The following FUT8 variants were observed in gnomAD, a reference collection of about 807,000 sequenced individuals.
FUT8 encodes the protein alpha-(1,6)-fucosyltransferase.
A neutral mutation model predicts 71.3 loss-of-function variants in FUT8; 29 were observed. The ratio of observed to expected loss-of-function variants is 0.41; its 90% CI spans 0.30 to 0.55. The LOEUF (loss-of-function observed/expected upper bound fraction) is 0.55. Among genes scored for constraint, FUT8 ranks in the 20% least tolerant of loss-of-function variants. FUT8 has a pLI of 0.34. For synonymous variants in FUT8, 254 were observed against 239.3 expected, an observed-to-expected ratio of 1.06 and a Z score of -0.57; for missense variants, 544 against 702.1, an observed-to-expected ratio of 0.77 and a Z score of 2.55.
chr14:65,389,129 G>C, the FUT8 span, among the ~76,000 whole-genome samples: 1 of 150,110 alleles, frequency 6.7e-6, no homozygotes, highest in Non-Finnish European at 1.5e-5. Context: ...AAAGTGCTGG[G>C]ATTACAGGTG....
chr14:65,507,927 A>G (rs1878207449), intron 2 of FUT8, among the ~76,000 whole-genome samples: 2 of 152,152 alleles, frequency 1.3e-5, no homozygotes, highest in South Asian at 4.1e-4. Context: ...CCAACAGTGT[A>G]TGAGGGTTCT....
chr14:65,677,727 C>A (rs1892829543), intron 7 of FUT8, among the ~76,000 whole-genome samples: 1 of 151,956 alleles, frequency 6.6e-6, no homozygotes, highest in Non-Finnish European at 1.5e-5. Context: ...ACTAGTCATT[C>A]AGTAAAAATT....
chr14:65,665,453 T>C (rs1052059664), intron 6 of FUT8, among the ~76,000 whole-genome samples: 3 of 152,072 alleles, frequency 2.0e-5, no homozygotes, highest in Non-Finnish European at 2.9e-5. Context: ...GACTGAGGAA[T>C]AAAGAAGTGA....
At chr14:65,438,383 A>G (rs1473047319) in intron 1 of FUT8, among the ~76,000 whole-genome samples, 1 of 152,186 alleles carries the variant, frequency 6.6e-6, no homozygotes, top group Non-Finnish European at 1.5e-5. Flanking sequence ...CTCTTGTAGC[A>G]AGTTACTACC....
Position 65,627,681 on chromosome 14 carries a change from C to T in FUT8, c.483-1811C>T, listed in dbSNP as rs1190455716. 1.3e-5 allele frequency among the ~76,000 whole-genome samples: 2 copies of T among 152,088 alleles called. No individual in the cohort carries two copies. Among genetic ancestry groups the T allele is most frequent in the African/African-American group, 4.8e-5 (2 of 41,422 alleles). The stretch of plus-strand genomic sequence containing the variant: ...TTTTTTCCTTACCAGTTGAGTGTTC[C>T]TAGAGGAAGGTCATATAACAGTTAA... On this transcript the variant is annotated intron_variant, in intron 5 of 10. Coordinates refer to ENST00000673929, the MANE Select transcript of FUT8 (RefSeq NM_001371533.1). This position sits in a 1 kb window ranked among gnomAD's most constrained non-coding sequence, Gnocchi z 4.0.
At chr14:65,662,356 G>A (rs1016721871) in intron 6 of FUT8, among the ~76,000 whole-genome samples, 3 of 152,018 alleles carry the variant, frequency 2.0e-5, no homozygotes, top group African/African-American at 2.4e-5. Flanking sequence ...ACTGCACTCC[G>A]GCCTGAGCAA....
chr14:65,665,624 C>A (rs1892175203), intron 6 of FUT8, among the ~76,000 whole-genome samples: 1 of 152,150 alleles, frequency 6.6e-6, no homozygotes, highest in South Asian at 2.1e-4. Context: ...CGTAAAGATA[C>A]ATGTATGCAT....
intron 2 of FUT8, among the ~76,000 whole-genome samples, chr14:65,475,476 A>G (rs1188529004): frequency 6.6e-6 from 1 of 152,148 alleles, no homozygotes; most frequent in Non-Finnish European, 1.5e-5. Flanking sequence ...TGTCAGGATG[A>G]TGCCTGTAAT....
At chr14:65,482,179 A>G (rs942216916) in intron 2 of FUT8, among the ~76,000 whole-genome samples, 1 of 152,180 alleles carries the variant, frequency 6.6e-6, no homozygotes, top group Non-Finnish European at 1.5e-5. Context: ...TTGGATAGAA[A>G]TTCTTTTTTG....
chr14:65,599,025 G>A (rs1888155893), intron 3 of FUT8, among the ~76,000 whole-genome samples: 1 of 152,070 alleles, frequency 6.6e-6, no homozygotes, highest in South Asian at 2.1e-4. Flanking sequence ...TCCTGACCTC[G>A]TGATCTGCCC....
chr14:65,494,141 T>C (rs2066523804), intron 2 of FUT8, among the ~76,000 whole-genome samples: 1 of 152,164 alleles, frequency 6.6e-6, no homozygotes, highest in African/African-American at 2.4e-5. Context: ...ACACATGTAA[T>C]TTTTTAACTT....
chr14:65,583,026 A>G (rs1242864536), intron 3 of FUT8, among the ~76,000 whole-genome samples: 1 of 152,208 alleles, frequency 6.6e-6, no homozygotes, highest in South Asian at 2.1e-4. Flanking sequence ...TATATAAATC[A>G]TAAACATTTT....
chr14:65,429,120 A>G (rs991229125), intron 1 of FUT8, among the ~76,000 whole-genome samples: 1 of 152,212 alleles, frequency 6.6e-6, no homozygotes, highest in African/African-American at 2.4e-5. Flanking sequence ...GGTATATGCT[A>G]AAAGAGTAAT....
rs534933454 is a variant in FUT8, at chr14:65,467,346, G to A, written c.-228+11628G>A. Among the ~76,000 whole-genome samples the A allele has an allele frequency of 8.4e-4, 128 of 152,204 alleles. No individual in the cohort carries two copies. The highest frequency in any genetic ancestry group is 2.9e-3 in the African/African-American group (121 of 41,524). ...GGAGTCTCATTCTGTTACTCAGGCT[G>A]GAGTGCAGTGGCACGATCTTGGCTC... On this transcript the variant is annotated intron_variant, in intron 2 of 10. Transcript: ENST00000673929. This position sits in a 1 kb window ranked among gnomAD's most constrained non-coding sequence, Gnocchi z 4.1.
intron 2 of FUT8, among the ~76,000 whole-genome samples, chr14:65,559,867 A>G (rs1417998821): frequency 6.6e-6 from 1 of 152,124 alleles, no homozygotes; most frequent in Non-Finnish European, 1.5e-5. Context: ...AGTGTTCTTG[A>G]TAGATTTAAG....
intron 3 of FUT8, among the ~76,000 whole-genome samples, chr14:65,588,423 C>T (rs142573327): frequency 8.3e-4 from 127 of 152,298 alleles, no homozygotes; most frequent in African/African-American, 2.8e-3. Flanking sequence ...AACTCTCATA[C>T]CAAATTATCG....
At chr14:65,539,562 T>G (rs1166146907) in intron 2 of FUT8, among the ~76,000 whole-genome samples, 3 of 152,224 alleles carry the variant, frequency 2.0e-5, no homozygotes, top group Admixed American at 6.5e-5. Context: ...CTAAATTTTT[T>G]GCTTCTTCTT....
intron 2 of FUT8, among the ~76,000 whole-genome samples, chr14:65,506,515 A>T (rs577623826): frequency 6.6e-6 from 1 of 152,314 alleles, no homozygotes; most frequent in African/African-American, 2.4e-5. Flanking sequence ...GAACTATAAA[A>T]CTTAAATTTG....
At chr14:65,471,109 AG>A in intron 2 of FUT8, 1 of 461,582 alleles carries the variant, frequency 2.2e-6, no homozygotes. Context: ...GTAAGGGTAG[AG>A]GGATGAGGGG....
Sources: gnomAD v4.1 joint callset for allele counts (sites outside exome capture counted in the v4.1 genomes callset) on GRCh38, gnomAD v4.1.1 for gene constraint, Gnocchi (gnomAD v3.1) non-coding constraint, MANE v1.5 for transcripts, NCBI Gene and HGNC (gene_info 2026-07-23, HGNC 2026-07-21) for gene names.